The following DIXDC1 variants were observed in gnomAD, a reference collection of about 807,000 sequenced individuals.
DIXDC1 encodes the protein DIX domain containing 1.
DIXDC1 carries 64 observed loss-of-function variants against 103.1 expected under a neutral mutation model. That is an observed-to-expected ratio of 0.62 (90% CI 0.51 to 0.76). The LOEUF is 0.76. Among genes scored for constraint, DIXDC1 ranks in the 30% least tolerant of loss-of-function variants. DIXDC1 has a pLI of 0.00. For synonymous variants in DIXDC1, 266 were observed against 298.5 expected (o/e 0.89, Z 1.12); for missense variants, 759 against 834.2 (o/e 0.91, Z 1.11).
chr11:112,011,521 C>A (rs1490406949), intron 17 of DIXDC1, among the ~76,000 whole-genome samples: 1 of 152,160 alleles, frequency 6.6e-6, no homozygotes, highest in Non-Finnish European at 1.5e-5. Flanking sequence ...TATTGCAGCA[C>A]TATTCACAAT....
At chr11:112,008,112 C>T (rs1555176807) in intron 17 of DIXDC1, among the ~76,000 whole-genome samples, 3 of 143,698 alleles carry the variant, frequency 2.1e-5, no homozygotes, top group African/African-American at 7.9e-5. Context: ...GGAGCAAGAT[C>T]TACCAAGCAA....
chr11:111,950,575 C>T (rs587678481), intron 1 of DIXDC1, among the ~76,000 whole-genome samples: 1 of 149,446 alleles, frequency 6.7e-6, no homozygotes, highest in East Asian at 2.0e-4. Flanking sequence ...CCTGCCTCAG[C>T]CTCCCGAGTA....
chr11:111,945,932 T>A (rs1429278265), intron 1 of DIXDC1: 6 of 88,892 alleles, frequency 6.7e-5, no homozygotes, highest in African/African-American at 2.9e-4. Context: ...CCAGCCCGGT[T>A]AATTTTTTTT....
rs1861705078 is a variant in DIXDC1, at chr11:112,019,903, T to C, written c.*867T>C. On this transcript the variant is annotated 3_prime_UTR_variant, in exon 20 of 20. Transcript: ENST00000440460. ...TATCTTTTTGACTTTCTTTGTTTCA[T>C]GACTTTAACTCATGGCATCTCCTTT... The C allele has an allele frequency of 6.6e-6, 1 of 152,230 alleles. No individual in the cohort carries two copies. Among genetic ancestry groups the C allele is most frequent in the East Asian group, 1.9e-4 (1 of 5,198 alleles). The allele number at this position is 152,230 out of a possible 1,614,324, so 9.4% of individuals were successfully genotyped here.
At chr11:111,962,279 C>G (rs183753448) in intron 1 of DIXDC1, among the ~76,000 whole-genome samples, 8 of 152,100 alleles carry the variant, frequency 5.3e-5, no homozygotes, top group Non-Finnish European at 5.9e-5. Context: ...GTCAGGAGTT[C>G]AAGACCAGCC....
At chr11:111,952,471 A>G (rs1555170120) in intron 1 of DIXDC1, among the ~76,000 whole-genome samples, 1 of 152,074 alleles carries the variant, frequency 6.6e-6, no homozygotes, top group South Asian at 2.1e-4. Context: ...AGGTGGGAGG[A>G]AGGTGAGGCC....
At chr11:111,981,223 T>C (rs1273969268) in intron 6 of DIXDC1, among the ~76,000 whole-genome samples, 2 of 152,162 alleles carry the variant, frequency 1.3e-5, no homozygotes, top group East Asian at 3.9e-4. Flanking sequence ...AAATGCATTG[T>C]ATGAGCTGAG....
rs1451849657 is a variant in DIXDC1, at chr11:112,021,827, T to C, written c.*2791T>C. On this transcript the variant is annotated 3_prime_UTR_variant, in exon 20 of 20. Coordinates refer to ENST00000440460, the MANE Select transcript of DIXDC1 (RefSeq NM_001037954.4). ...CCGTCTCTACATAGAAATTTTATTATAAAAGTAGCTGGGGATGGTGGCACA... is the reference window on the plus strand; with the variant it reads ...CCGTCTCTACATAGAAATTTTATTACAAAAGTAGCTGGGGATGGTGGCACA... 1 of 151,650 alleles carries C rather than the reference T, an allele frequency of 6.6e-6. No individual in the cohort carries two copies. The highest frequency in any genetic ancestry group is 2.4e-5 in the African/African-American group (1 of 41,270). 9.4% of individuals were successfully genotyped at this position (151,650 alleles called of 1,614,324 possible). A position where few individuals can be genotyped will look rare whatever the true frequency, so the allele number is the denominator to read the frequency against.
At chr11:112,013,321 T>TGGGGGGGGGGGGGGGGGGGGGGGGG (rs1403269609) in intron 17 of DIXDC1, among the ~76,000 whole-genome samples, 4 of 35,724 alleles carry the variant, frequency 1.1e-4, no homozygotes, top group Admixed American at 3.5e-4. Flanking sequence ...GGTCGGGGGG[T>TGGGGGGGGGGGGGGGGGGGGGGGGG]GGGGGTGGGG....
chr11:111,938,613 A>G (rs782716160), intron 1 of DIXDC1, among the ~76,000 whole-genome samples: 13 of 152,198 alleles, frequency 8.5e-5, no homozygotes, highest in Non-Finnish European at 1.8e-4. Context: ...TTCTCCAGAA[A>G]TAACCATTCT....
intron 17 of DIXDC1, among the ~76,000 whole-genome samples, chr11:112,008,131 C>CAAAAA (rs782037838): frequency 3.3e-4 from 17 of 52,122 alleles, no homozygotes; most frequent in Non-Finnish European, 4.8e-4. Context: ...AAATGCAAAG[C>CAAAAA]AAAAAAAAAA....
At chr11:111,980,875 T>C in intron 6 of DIXDC1, 26 bp downstream of exon 6, 1 of 1,592,810 alleles carries the variant, frequency 6.3e-7, no homozygotes, top group Non-Finnish European at 8.6e-7. Context: ...CTGCCTGGGC[T>C]GGTTCAAGGA....
At chr11:111,968,743 A>T in intron 3 of DIXDC1, 105 bp downstream of exon 3, 1 of 1,199,766 alleles carries the variant, frequency 8.3e-7, no homozygotes, top group Non-Finnish European at 1.1e-6. Flanking sequence ...GAAAGTCTCC[A>T]TTCATTTTAT....
At chr11:111,964,746 T>G in intron 2 of DIXDC1, 68 bp downstream of exon 2, 7 of 1,495,044 alleles carry the variant, frequency 4.7e-6, no homozygotes, top group Non-Finnish European at 6.2e-6. Context: ...ATCCTTCTTA[T>G]GCCCTTTAGA....
At chr11:111,985,697 G>A (rs587602186) in intron 8 of DIXDC1, among the ~76,000 whole-genome samples, 17 of 152,052 alleles carry the variant, frequency 1.1e-4, no homozygotes, top group Non-Finnish European at 2.1e-4. Flanking sequence ...TAACCTGGGC[G>A]GTAGTATCTG....
intron 1 of DIXDC1, among the ~76,000 whole-genome samples, chr11:111,955,910 A>G (rs1859341884): frequency 6.6e-6 from 1 of 151,286 alleles, no homozygotes; most frequent in African/African-American, 2.4e-5. Context: ...TATTCACAAT[A>G]TCCAGGAGGT....
intron 1 of DIXDC1, among the ~76,000 whole-genome samples, chr11:111,949,547 C>A (rs1374902767): frequency 6.6e-6 from 1 of 152,218 alleles, no homozygotes; most frequent in African/African-American, 2.4e-5. Flanking sequence ...GCCTGGGCTC[C>A]TCGTTGGCTT....
chr11:111,993,833 G>A, intron 14 of DIXDC1, 93 bp downstream of exon 14: 3 of 1,426,854 alleles, frequency 2.1e-6, no homozygotes, highest in Admixed American at 2.0e-5. Context: ...CCACAGGCTT[G>A]TTTGTTAGGA....
intron 1 of DIXDC1, among the ~76,000 whole-genome samples, chr11:111,955,284 G>A (rs915061453): frequency 1.8e-4 from 27 of 148,662 alleles, no homozygotes; most frequent in African/African-American, 6.5e-4. Flanking sequence ...TGAGGCTGTA[G>A]TGAGCTGTGA....
Sources: allele counts gnomAD v4.1 joint callset (sites outside exome capture counted in the v4.1 genomes callset), GRCh38; gene constraint gnomAD v4.1.1; transcripts MANE v1.5; gene names NCBI Gene and HGNC (gene_info 2026-07-23, HGNC 2026-07-21).